Variants in RGMA observed in about 807,000 individuals in gnomAD.
The protein encoded by RGMA is repulsive guidance molecule A.
Under a neutral mutation model 23.2 loss-of-function variants are expected in RGMA, and 10 were observed. The observed-to-expected ratio is 0.43, with a 90% CI of 0.27 to 0.73. RGMA has a LOEUF of 0.73. Ranked by LOEUF, RGMA falls within the 30% of genes least tolerant of loss-of-function variation. The probability of loss-of-function intolerance (pLI) is 0.20; values close to 1 mark genes in which losing one functional copy is unlikely to be tolerated. For missense variants in RGMA, 547 were observed against 630.5 expected (o/e 0.87, Z 1.42); for synonymous variants, 308 against 279.3 (o/e 1.10, Z -1.03).
rs552427029 is a variant in RGMA, at chr15:93,088,952, G to T, written c.-20C>A. On this transcript the variant is annotated 5_prime_UTR_variant, in exon 1 of 4. Transcript: ENST00000329082. Reference sequence around the variant, plus strand: ...CTGCATGAGCCCCTGCGGCCCGCGGGGGGTGGCGCTGGCGGGGCTGCGGGA... The same window carrying T: ...CTGCATGAGCCCCTGCGGCCCGCGGTGGGTGGCGCTGGCGGGGCTGCGGGA... The T allele has an allele frequency of 6.5e-6, 9 of 1,395,016 alleles. No homozygotes were observed. The highest frequency in any genetic ancestry group is 3.1e-5 in the East Asian group (1 of 32,448). The allele number at this position is 1,395,016 out of a possible 1,614,324, so 86.4% of individuals were successfully genotyped here.
intron 3 of RGMA, among the ~76,000 whole-genome samples, chr15:93,050,307 G>A (rs1205154812): frequency 4.6e-5 from 7 of 152,220 alleles, no homozygotes; most frequent in Non-Finnish European, 8.8e-5. Context: ...CTGACAGACA[G>A]GCGGGGGCAG....
At position 93,037,295 on chromosome 15, in the gene RGMA, G is replaced by T. The variant is rs1432850818; in HGVS notation, c.*7703C>A. The T allele has an allele frequency of 6.6e-6, 1 of 152,274 alleles. No homozygotes were observed. Among genetic ancestry groups the T allele is most frequent in the Non-Finnish European group, 1.5e-5 (1 of 68,098 alleles). The allele number at this position is 152,274 out of a possible 1,614,324, so 9.4% of individuals were successfully genotyped here. On this transcript the variant is annotated 3_prime_UTR_variant, in exon 4 of 4. Coordinates refer to ENST00000329082, the MANE Select transcript of RGMA (RefSeq NM_020211.3). This position sits in a 1 kb window ranked among gnomAD's most constrained non-coding sequence, Gnocchi z 4.3. ...TGCAGCCAGTAGGTGACAGAGCTGGGAGCCTGGATCGGGTCTGGTTCTGGA... is the reference window on the plus strand; with the variant it reads ...TGCAGCCAGTAGGTGACAGAGCTGGTAGCCTGGATCGGGTCTGGTTCTGGA...
Position 93,088,262 on chromosome 15 carries a change from C to T in RGMA, c.14+657G>A, listed in dbSNP as rs1025224821. ...GCCCTCCCATTGAATACACCTGTCC[C>T]CCATGCCCGGGCTTGTACCCTGGGT... On this transcript the variant is annotated intron_variant, in intron 1 of 3. Coordinates refer to ENST00000329082, the MANE Select transcript of RGMA (RefSeq NM_020211.3). 1.0e-5 allele frequency: 10 copies of T among 985,400 alleles called. No individual in the cohort carries two copies. The Admixed American group carries it at 6.1e-4, about 60-fold the overall frequency. The allele number at this position is 985,400 out of a possible 1,614,324, so 61.0% of individuals were successfully genotyped here. A position where few individuals can be genotyped will look rare whatever the true frequency, so the allele number is the denominator to read the frequency against.
intron 2 of RGMA, chr15:93,065,626 G>T: frequency 1.2e-6 from 1 of 862,452 alleles, no homozygotes; most frequent in East Asian, 3.5e-5. Flanking sequence ...TGTTGATAGG[G>T]GCTGAGGTCT....
chr15:93,050,967 G>C (rs1234327272), intron 3 of RGMA, among the ~76,000 whole-genome samples: 5 of 152,224 alleles, frequency 3.3e-5, no homozygotes, highest in African/African-American at 1.2e-4. Flanking sequence ...CTTGATGCAG[G>C]CAGGCCCTGA....
intron 2 of RGMA, among the ~76,000 whole-genome samples, chr15:93,070,187 A>T (rs779459242): frequency 4.6e-5 from 7 of 152,226 alleles, no homozygotes; most frequent in Non-Finnish European, 7.3e-5. Context: ...GGCCATCCAC[A>T]TGGAGTAAGT....
intron 2 of RGMA, among the ~76,000 whole-genome samples, chr15:93,053,319 G>A (rs1472074890): frequency 2.0e-5 from 3 of 152,150 alleles, no homozygotes; most frequent in African/African-American, 7.2e-5. Flanking sequence ...CCCTTTTCTG[G>A]CCTTCCTCTG....
chr15:93,063,687 T>C (rs981206161), intron 2 of RGMA, among the ~76,000 whole-genome samples: 1 of 152,218 alleles, frequency 6.6e-6, no homozygotes, highest in African/African-American at 2.4e-5. Context: ...CATTCCTCCC[T>C]GAGTCTAGCC....
At position 93,036,347 on chromosome 15, in the gene RGMA, C is replaced by G. The variant is rs2054660847; in HGVS notation, c.*8651G>C. 1 of 152,262 alleles carries G rather than the reference C, an allele frequency of 6.6e-6. No individual in the cohort carries two copies. Among genetic ancestry groups the G allele is most frequent in the Non-Finnish European group, 1.5e-5 (1 of 68,052 alleles). 9.4% of individuals were successfully genotyped at this position (152,262 alleles called of 1,614,324 possible). The stretch of plus-strand genomic sequence containing the variant: ...GAAGGACTCCTCTTGTTTTATGCAA[C>G]CAACACCCACCCTGGGGCACTTGCC... On this transcript the variant is annotated 3_prime_UTR_variant, in exon 4 of 4. Transcript: ENST00000329082.
chr15:93,056,303 T>TGCA (rs1447271201), intron 2 of RGMA, among the ~76,000 whole-genome samples: 1 of 152,184 alleles, frequency 6.6e-6, no homozygotes, highest in Non-Finnish European at 1.5e-5. Flanking sequence ...AGAAGGGGGC[T>TGCA]GCAGGCAAAG....
At chr15:93,069,016 C>T (rs894346130) in intron 2 of RGMA, among the ~76,000 whole-genome samples, 5 of 152,222 alleles carry the variant, frequency 3.3e-5, no homozygotes, top group African/African-American at 1.2e-4. Flanking sequence ...TTTGTTACAG[C>T]AGCCCAAACA....
At position 93,052,188 on chromosome 15, in the gene RGMA, G is replaced by A; in HGVS notation, c.450C>T (p.Ser150=). 1 of 1,612,082 alleles carries A rather than the reference G, an allele frequency of 6.2e-7. No individual in the cohort carries two copies. Among genetic ancestry groups the A allele is most frequent in the Non-Finnish European group, 8.5e-7 (1 of 1,178,440 alleles). ...TGGGGGTGGCCGAGTGCTTGTGAAAGCTCTTCTCGTAATGGCAGATCTCGG... is the reference window on the plus strand; with the variant it reads ...TGGGGGTGGCCGAGTGCTTGTGAAAACTCTTCTCGTAATGGCAGATCTCGG... The part of the protein sequence containing the change: ...DSPEICHYEK[S]FHKHSATPNY... The change falls in exon 3 of 4, where the codon AGC becomes AGT. Residue 150 remains serine (S), a synonymous_variant. Coordinates refer to ENST00000329082, the MANE Select transcript of RGMA (RefSeq NM_020211.3).
Position 93,038,327 on chromosome 15 carries a change from G to A in RGMA, c.*6671C>T, listed in dbSNP as rs2054682020. ...AGGGTTTGGTAAGTAAGGCCAATCAGACCAAAGAGATGTGATTTCTGGACC... is the reference window on the plus strand; with the variant it reads ...AGGGTTTGGTAAGTAAGGCCAATCAAACCAAAGAGATGTGATTTCTGGACC... On this transcript the variant is annotated 3_prime_UTR_variant, in exon 4 of 4. Transcript: ENST00000329082. 6.6e-6 allele frequency: 1 copy of A among 152,182 alleles called. No homozygotes were observed. 9.4% of individuals were successfully genotyped at this position (152,182 alleles called of 1,614,324 possible).
intron 2 of RGMA, among the ~76,000 whole-genome samples, chr15:93,070,816 A>G (rs917311945): frequency 5.9e-5 from 9 of 152,240 alleles, no homozygotes; most frequent in Middle Eastern, 3.2e-3. Flanking sequence ...TTGACGCCAA[A>G]AAGAAATGGG....
intron 1 of RGMA, among the ~76,000 whole-genome samples, chr15:93,086,634 C>T (rs1034839581): frequency 2.0e-5 from 3 of 152,200 alleles, no homozygotes; most frequent in African/African-American, 7.2e-5. Flanking sequence ...CTGCCTGCTT[C>T]CTGGGAGCAG....
At position 93,045,463 on chromosome 15, in the gene RGMA, C is replaced by T; in HGVS notation, c.888G>A (p.Met296Ile). 1 of 1,613,200 alleles carries T rather than the reference C, an allele frequency of 6.2e-7. No individual in the cohort carries two copies. The highest frequency in any genetic ancestry group is 1.3e-5 in the African/African-American group (1 of 75,038). The change falls in exon 4 of 4, where the codon ATG (methionine) becomes ATA (isoleucine). Residue 296 changes from methionine to isoleucine, a missense_variant. Met to Ile is a conservative substitution (Grantham distance 10). Coordinates refer to ENST00000329082, the MANE Select transcript of RGMA (RefSeq NM_020211.3). This position sits in a 1 kb window ranked among gnomAD's most constrained non-coding sequence, Gnocchi z 6.9. The stretch of plus-strand genomic sequence containing the variant: ...CCACAGCATTGACCACTTCCTCTGG[C>T]ATGCGGACGGCAAAGGTCAGGTAGC... ...VGRYLTFAVR[M>I]PEEVVNAVED...
chr15:93,044,931 G>A lies in RGMA; in HGVS notation c.*67C>T, dbSNP rs778640427. On this transcript the variant is annotated 3_prime_UTR_variant, in exon 4 of 4. Coordinates refer to ENST00000329082, the MANE Select transcript of RGMA (RefSeq NM_020211.3). ...ACGCCAGGAGATCTGCACCCCGTGG[G>A]CGGTCCCAGCCCACACATGGGGAAG... 6.6e-5 allele frequency: 89 copies of A among 1,347,180 alleles called. No individual in the cohort carries two copies. The highest frequency in any genetic ancestry group is 8.5e-5 in the Non-Finnish European group (84 of 986,880). The allele number at this position is 1,347,180 out of a possible 1,614,324, so 83.5% of individuals were successfully genotyped here. A position where few individuals can be genotyped will look rare whatever the true frequency, so the allele number is the denominator to read the frequency against.
chr15:93,084,097 C>T (rs962641576), intron 1 of RGMA, among the ~76,000 whole-genome samples: 1 of 152,104 alleles, frequency 6.6e-6, no homozygotes, highest in African/African-American at 2.4e-5. Flanking sequence ...TAACTTTTTA[C>T]GATTCTATGA....
chr15:93,047,344 C>T (rs1484370077), intron 3 of RGMA, among the ~76,000 whole-genome samples: 8 of 152,206 alleles, frequency 5.3e-5, no homozygotes, highest in Admixed American at 5.2e-4. Flanking sequence ...AGCTGTTTTG[C>T]CATGGGAGCT....
Sources: gnomAD v4.1 joint callset for allele counts (sites outside exome capture counted in the v4.1 genomes callset) on GRCh38, gnomAD v4.1.1 for gene constraint, Gnocchi (gnomAD v3.1) non-coding constraint, MANE v1.5 for transcripts, NCBI Gene and HGNC (gene_info 2026-07-23, HGNC 2026-07-21) for gene names.